The following UNC13C variants were observed in gnomAD, a reference collection of about 807,000 sequenced individuals.
UNC13C encodes the protein protein unc-13 homolog C.
Under a neutral mutation model 245.4 loss-of-function variants are expected in UNC13C, and 174 were observed. The ratio of observed to expected loss-of-function variants is 0.71; its 90% CI spans 0.63 to 0.80. The LOEUF is 0.80. Among genes scored for constraint, UNC13C ranks in the 30% least tolerant of loss-of-function variants. UNC13C has a pLI of 0.00. For synonymous variants in UNC13C, 992 were observed against 895.1 expected, an observed-to-expected ratio of 1.11 and a Z score of -1.93; for missense variants, 2,829 against 2,602.9, an observed-to-expected ratio of 1.09 and a Z score of -1.89.
At chr15:54,460,346 G>C (rs1250218980) in intron 19 of UNC13C, among the ~76,000 whole-genome samples, 1 of 152,210 alleles carries the variant, frequency 6.6e-6, no homozygotes, top group African/African-American at 2.4e-5. Context: ...GTTTTGTTTA[G>C]TGTGCTGGTT....
chr15:54,105,548 G>A (rs1033769442), intron 2 of UNC13C, among the ~76,000 whole-genome samples: 1 of 152,114 alleles, frequency 6.6e-6, no homozygotes, highest in Admixed American at 6.5e-5. Flanking sequence ...TGGCCAATTC[G>A]TGAAGTTTAA....
At chr15:53,956,547 G>C in the UNC13C span, among the ~76,000 whole-genome samples, 2 of 107,982 alleles carry the variant, frequency 1.9e-5, no homozygotes, top group African/African-American at 6.9e-5. Flanking sequence ...AGGTAAAGAG[G>C]TTTAGGGTAT....
chr15:54,581,099 A>T (rs1389482253), intron 30 of UNC13C, among the ~76,000 whole-genome samples: 1 of 152,234 alleles, frequency 6.6e-6, no homozygotes, highest in Non-Finnish European at 1.5e-5. Flanking sequence ...TAGATGCCAG[A>T]TGAATCTAAA....
intron 30 of UNC13C, among the ~76,000 whole-genome samples, chr15:54,586,540 A>G (rs535026912): frequency 6.6e-6 from 1 of 152,328 alleles, no homozygotes; most frequent in South Asian, 2.1e-4. Flanking sequence ...TTGTCACCTC[A>G]TCTAACCTTA....
chr15:53,848,727 C>T, the UNC13C span, among the ~76,000 whole-genome samples: 3 of 152,120 alleles, frequency 2.0e-5, no homozygotes, highest in Non-Finnish European at 4.4e-5. Context: ...GAAGTACTGA[C>T]ATCTCAAAAT....
At chr15:53,905,111 AG>A in the UNC13C span, among the ~76,000 whole-genome samples, 4 of 152,134 alleles carry the variant, frequency 2.6e-5, no homozygotes, top group African/African-American at 7.2e-5. Flanking sequence ...AAAATATAGA[AG>A]GCATGTAGTG....
At chr15:54,283,739 T>C (rs940539334) in intron 10 of UNC13C, among the ~76,000 whole-genome samples, 2 of 148,338 alleles carry the variant, frequency 1.3e-5, no homozygotes, top group Non-Finnish European at 3.0e-5. Flanking sequence ...TGTGTGTGTG[T>C]ATGTAATATT....
intron 29 of UNC13C, among the ~76,000 whole-genome samples, chr15:54,562,917 A>G (rs1897354155): frequency 6.6e-6 from 1 of 152,034 alleles, no homozygotes; most frequent in African/African-American, 2.4e-5. Flanking sequence ...CCAAACCCTT[A>G]TACTTGACCT....
At chr15:53,931,465 G>C in the UNC13C span, among the ~76,000 whole-genome samples, 1 of 152,070 alleles carries the variant, frequency 6.6e-6, no homozygotes, top group Non-Finnish European at 1.5e-5. Context: ...CATTGCGCTT[G>C]GCCTTTTTTG....
the UNC13C span, among the ~76,000 whole-genome samples, chr15:53,971,951 A>G: frequency 6.6e-6 from 1 of 152,204 alleles, no homozygotes; most frequent in African/African-American, 2.4e-5. Flanking sequence ...CATTTTATAG[A>G]TGACTCATAA....
Position 54,096,926 on chromosome 15 carries a change from C to T in UNC13C, c.2984-46092C>T, listed in dbSNP as rs187477831. Among the ~76,000 whole-genome samples the T allele has an allele frequency of 1.3e-4, 20 of 152,182 alleles. No homozygotes were observed. In the East Asian group the frequency reaches 3.5e-3, roughly 27 times the overall value. Reference sequence around the variant, plus strand: ...CTATTTTAGGTGAGAGAGAGGATATCGACCTTAAATGGGAAACTTTTGTCT... The same window carrying T: ...CTATTTTAGGTGAGAGAGAGGATATTGACCTTAAATGGGAAACTTTTGTCT... On this transcript the variant is annotated intron_variant, in intron 2 of 32. Coordinates refer to ENST00000260323, the MANE Select transcript of UNC13C (RefSeq NM_001080534.3).
the UNC13C span, among the ~76,000 whole-genome samples, chr15:53,944,476 AT>A: frequency 6.6e-6 from 1 of 152,038 alleles, no homozygotes; most frequent in East Asian, 1.9e-4. Context: ...TGTTCTCATC[AT>A]TTAGCTCCCA....
At chr15:54,256,164 A>G (rs1257924309) in intron 8 of UNC13C, among the ~76,000 whole-genome samples, 3 of 152,172 alleles carry the variant, frequency 2.0e-5, no homozygotes, top group African/African-American at 7.2e-5. Context: ...ATACTTGTCA[A>G]TGACCTCCAG....
In UNC13C at chr15:54,014,811, A is replaced by G; in HGVS notation, c.1908A>G (p.Ala636=). Residue 636 remains alanine (A), a synonymous_variant, in exon 2 of 33, where the codon GCA becomes GCG. Coordinates refer to ENST00000260323, the MANE Select transcript of UNC13C (RefSeq NM_001080534.3). ...DSGMSNGMVC[A]SGDRSHYSDS... Reference sequence around the variant, plus strand: ...GAATGAGTAATGGCATGGTGTGTGCATCTGGAGACCGGAGTCATTACAGTG... The same window carrying G: ...GAATGAGTAATGGCATGGTGTGTGCGTCTGGAGACCGGAGTCATTACAGTG... 6.2e-7 allele frequency: 1 copy of G among 1,613,916 alleles called. No individual in the cohort carries two copies. The highest frequency in any genetic ancestry group is 8.5e-7 in the Non-Finnish European group (1 of 1,179,842).
chr15:54,529,398 C>T (rs1184269167), intron 25 of UNC13C, among the ~76,000 whole-genome samples: 3 of 151,942 alleles, frequency 2.0e-5, no homozygotes, highest in Non-Finnish European at 1.5e-5. Context: ...ATATGGAAAA[C>T]CAAAAACTAG....
At chr15:54,246,898 G>T (rs1354661658) in intron 7 of UNC13C, among the ~76,000 whole-genome samples, 1 of 152,086 alleles carries the variant, frequency 6.6e-6, no homozygotes, top group Non-Finnish European at 1.5e-5. Flanking sequence ...ATGTACCCTT[G>T]TACTTAAAAT....
At chr15:54,087,197 A>C (rs1040406954) in intron 2 of UNC13C, among the ~76,000 whole-genome samples, 6 of 152,000 alleles carry the variant, frequency 3.9e-5, no homozygotes, top group Non-Finnish European at 8.8e-5. Flanking sequence ...AATAATTTCC[A>C]CTCTAGAAAG....
intron 20 of UNC13C, among the ~76,000 whole-genome samples, chr15:54,498,805 A>C (rs561387811): frequency 4.1e-4 from 62 of 152,330 alleles, no homozygotes; most frequent in African/African-American, 1.5e-3. Context: ...TTATAAAGAT[A>C]GCAATTCCCC....
intron 19 of UNC13C, among the ~76,000 whole-genome samples, chr15:54,457,566 C>G (rs1292631371): frequency 6.6e-6 from 1 of 151,972 alleles, no homozygotes; most frequent in Admixed American, 6.6e-5. Context: ...TGTTCTTGCT[C>G]TGTTCCGAGT....
Sources: allele counts gnomAD v4.1 joint callset (sites outside exome capture counted in the v4.1 genomes callset), GRCh38; gene constraint gnomAD v4.1.1; transcripts MANE v1.5; gene names NCBI Gene and HGNC (gene_info 2026-07-23, HGNC 2026-07-21).